VCF2: variants seen among roughly 807,000 people sequenced by gnomAD.
The protein encoded by VCF2 is VCP nuclear cofactor family member 2, also known as protein VCF2.
At chrX:55,148,048 A>G in the VCF2 span, among the ~76,000 whole-genome samples, 4 of 111,061 alleles carry the variant, frequency 3.6e-5, no homozygotes, top group South Asian at 1.5e-3. Context: ...ATAATGATAT[A>G]TCATTCTATA....
chrX:55,157,770 G>A, the VCF2 span, among the ~76,000 whole-genome samples: 1 of 111,734 alleles, frequency 8.9e-6, no homozygotes, highest in Non-Finnish European at 1.9e-5. Context: ...AAGAGAAAAA[G>A]GCAGAGATCT....
At chrX:55,157,920 T>G in the VCF2 span, among the ~76,000 whole-genome samples, 1 of 112,636 alleles carries the variant, frequency 8.9e-6, no homozygotes, top group Admixed American at 9.4e-5. Flanking sequence ...CTCTTTGTGT[T>G]TGTACTTTCT....
the VCF2 span, among the ~76,000 whole-genome samples, chrX:55,155,203 T>C: frequency 2.7e-5 from 3 of 112,121 alleles, no homozygotes; most frequent in South Asian, 1.1e-3. Flanking sequence ...CAAGAGAAGA[T>C]ACGGCTAGGT....
At chrX:55,143,394 T>C in the VCF2 span, 2 of 114,857 alleles carry the variant, frequency 1.7e-5, no homozygotes, top group Non-Finnish European at 3.6e-5. Context: ...AAATTGTGTT[T>C]ACAAGGAATT....
chrX:55,146,210 A>C, the VCF2 span: 1 of 1,211,479 alleles, frequency 8.3e-7, no homozygotes, highest in Admixed American at 2.2e-5. Flanking sequence ...GAAAGTTTGC[A>C]TCGGGTTCAG....
At chrX:55,161,057 T>G in the VCF2 span, 3 of 1,193,269 alleles carry the variant, frequency 2.5e-6, no homozygotes, top group Non-Finnish European at 3.4e-6. Flanking sequence ...CCCGAGATCT[T>G]GGCTGAGAAA....
chrX:55,143,128 T>A, the VCF2 span: 1 of 111,108 alleles, frequency 9.0e-6, no homozygotes, highest in Non-Finnish European at 1.9e-5. Flanking sequence ...TAGGCTTTAT[T>A]AAGCAGAGTG....
At chrX:55,160,745 A>T in the VCF2 span, 4 of 953,913 alleles carry the variant, frequency 4.2e-6, no homozygotes, top group Non-Finnish European at 5.8e-6. Flanking sequence ...TAGGGTACCT[A>T]GCAGCCTCAC....
At chrX:55,153,593 C>T in the VCF2 span, among the ~76,000 whole-genome samples, 1 of 110,003 alleles carries the variant, frequency 9.1e-6, no homozygotes, top group Admixed American at 9.7e-5. Context: ...GATCTCCTGA[C>T]CTTGTGATCT....
At chrX:55,159,299 C>A in the VCF2 span, 1 of 867,295 alleles carries the variant, frequency 1.2e-6, no homozygotes, top group South Asian at 2.5e-5. Context: ...AATTGTAAAG[C>A]CGTGACAACA....
the VCF2 span, among the ~76,000 whole-genome samples, chrX:55,146,583 G>C: frequency 8.9e-6 from 1 of 111,901 alleles, no homozygotes; most frequent in Non-Finnish European, 1.9e-5. Flanking sequence ...CACAGGCCTT[G>C]CAATTCCAAA....
At chrX:55,158,997 CACTGTAATCAAGCAAGAAAACT>C in the VCF2 span, 1 of 430,527 alleles carries the variant, frequency 2.3e-6, no homozygotes, top group Non-Finnish European at 3.7e-6. Flanking sequence ...GCTCAAAAGC[CACTGTAATCAAGCAAGAAAACT>C]TTTATGAAGG....
chrX:55,161,116 G>C, the VCF2 span: 6 of 1,207,973 alleles, frequency 5.0e-6, no homozygotes, highest in Non-Finnish European at 6.7e-6. Context: ...GTACCGGCCG[G>C]AAAGGCCCCG....
At chrX:55,149,250 C>G in the VCF2 span, among the ~76,000 whole-genome samples, 1 of 108,578 alleles carries the variant, frequency 9.2e-6, no homozygotes, top group East Asian at 2.8e-4. Flanking sequence ...ACTCCTATGC[C>G]ATTGTTATTA....
At chrX:55,149,071 A>T in the VCF2 span, among the ~76,000 whole-genome samples, 2 of 110,913 alleles carry the variant, frequency 1.8e-5, no homozygotes, top group African/African-American at 3.3e-5. Context: ...CCCAGGAAAC[A>T]CTCTGCCTAT....
the VCF2 span, chrX:55,160,673 A>G: frequency 1.4e-5 from 7 of 504,280 alleles, no homozygotes; most frequent in Non-Finnish European, 2.3e-5. Flanking sequence ...AGGTCCATAG[A>G]ACCCCAGTAA....
the VCF2 span, among the ~76,000 whole-genome samples, chrX:55,147,130 A>G: frequency 2.1e-4 from 24 of 112,155 alleles, no homozygotes; most frequent in African/African-American, 7.8e-4. Flanking sequence ...TACAATTCCC[A>G]AAAGAAGAAG....
the VCF2 span, among the ~76,000 whole-genome samples, chrX:55,153,377 C>T: frequency 4.3e-5 from 4 of 93,019 alleles, no homozygotes; most frequent in Admixed American, 2.6e-4. Flanking sequence ...TTTTTTGAGA[C>T]GGAGTCTCGC....
the VCF2 span, among the ~76,000 whole-genome samples, chrX:55,144,742 A>G: frequency 5.3e-5 from 6 of 112,347 alleles, no homozygotes; most frequent in South Asian, 2.2e-3. Context: ...ATTGGCAAAC[A>G]CCTCTTTGTA....
Sources: allele counts gnomAD v4.1 joint callset (sites outside exome capture counted in the v4.1 genomes callset), GRCh38; gene constraint gnomAD v4.1.1; transcripts MANE v1.5; gene names NCBI Gene and HGNC (gene_info 2026-07-23, HGNC 2026-07-21).